Variants in CTC1 observed in about 807,000 individuals in gnomAD.
The protein encoded by CTC1 is CST complex subunit CTC1.
CTC1 carries 91 observed loss-of-function variants against 136.3 expected under a neutral mutation model. That is an observed-to-expected ratio of 0.67 (90% CI 0.56 to 0.79). The LOEUF is 0.79. CTC1 is among the 30% of genes least tolerant of loss of function. The probability of loss-of-function intolerance (pLI) is 0.00; values close to 1 mark genes in which losing one functional copy is unlikely to be tolerated. For synonymous variants in CTC1, 606 were observed against 613.8 expected, an observed-to-expected ratio of 0.99 and a Z score of 0.19; for missense variants, 1,432 against 1,498.1, an observed-to-expected ratio of 0.96 and a Z score of 0.73.
intron 4 of CTC1, 132 bp downstream of exon 4, chr17:8,237,899 G>C: frequency 1.4e-6 from 1 of 721,438 alleles, no homozygotes; most frequent in African/African-American, 1.8e-5. Flanking sequence ...AATATTCAAA[G>C]CCCACCATTC....
intron 18 of CTC1, 112 bp downstream of exon 18, chr17:8,229,779 C>A: frequency 1.2e-6 from 1 of 863,638 alleles, no homozygotes; most frequent in South Asian, 1.5e-5. Flanking sequence ...CTCAACACAT[C>A]TTGTTGGGAT....
Position 8,238,458 on chromosome 17 carries a change from G to A in CTC1, c.369C>T (p.Asp123=), listed in dbSNP as rs756553255. 3.7e-6 allele frequency: 6 copies of A among 1,614,174 alleles called. No individual in the cohort carries two copies. The highest frequency in any genetic ancestry group is 1.1e-5 in the South Asian group (1 of 91,088). ...LLGTLTDLSA[D]LEQECRNGSL... ...TTCCGTTCCTGCACTCTTGTTCCAAGTCTGCCGATAGGTCTGTTAGTGTCC... is the reference window on the plus strand; with the variant it reads ...TTCCGTTCCTGCACTCTTGTTCCAAATCTGCCGATAGGTCTGTTAGTGTCC... The change falls in exon 3 of 23, where the codon GAC becomes GAT. Residue 123 remains aspartate (D), a synonymous_variant. Transcript: ENST00000651323.
chr17:8,242,950 C>G (rs768569314), intron 2 of CTC1, 35 bp downstream of exon 2: 3 of 1,574,688 alleles, frequency 1.9e-6, no homozygotes, highest in Admixed American at 1.9e-5. Flanking sequence ...AATACCTGCC[C>G]CTGCCCAGCC....
At chr17:8,234,406 A>G (rs1462044279) in intron 10 of CTC1, 49 bp downstream of exon 10, 17 of 1,511,172 alleles carry the variant, frequency 1.1e-5, no homozygotes, top group African/African-American at 1.4e-5. Context: ...CGTGGCAATA[A>G]GGATGACAAA....
chr17:8,243,056 T>C lies in CTC1; in HGVS notation c.126A>G (p.Val42=), dbSNP rs116271319. 2.5e-3 allele frequency: 4,110 copies of C among 1,613,946 alleles called. 105 individuals are homozygous for C. The African/African-American group carries it at 0.049, about 19-fold the overall frequency. The change falls in exon 2 of 23, where the codon GTA becomes GTG. Residue 42 remains valine, a synonymous_variant. Coordinates refer to ENST00000651323, the MANE Select transcript of CTC1 (RefSeq NM_025099.6). ...KEPNVQLTPL[V]IDCVKTVWLS... ...ACCAGACAGTCTTCACACAATCAAT[T>C]ACCAATGGAGTCAACTGGACATTAG...
chr17:8,227,072 T>C lies in CTC1; in HGVS notation c.*1108A>G, dbSNP rs955024454. The C allele has an allele frequency of 5.3e-5, 8 of 150,882 alleles. No individual in the cohort carries two copies. Among genetic ancestry groups the C allele is most frequent in the East Asian group, 3.9e-4 (2 of 5,190 alleles). 9.3% of individuals were successfully genotyped at this position (150,882 alleles called of 1,614,324 possible). ...CAACTGAGCTAACCGGCCACTAACT[T>C]TCCGGGTCTACTTCAAATCTTAATA... On this transcript the variant is annotated 3_prime_UTR_variant, in exon 23 of 23. Transcript: ENST00000651323.
chr17:8,230,909 G>A (rs1372537661), intron 15 of CTC1: 1 of 520,176 alleles, frequency 1.9e-6, no homozygotes, highest in African/African-American at 1.9e-5. Context: ...GGCTGAGGTG[G>A]GAGGCTCACT....
intron 10 of CTC1, chr17:8,233,423 G>C (rs767225750): frequency 1.8e-5 from 3 of 170,260 alleles, no homozygotes; most frequent in Non-Finnish European, 3.8e-5. Context: ...TCAGGAGGTG[G>C]AGATCAGCCT....
intron 1 of CTC1, among the ~76,000 whole-genome samples, chr17:8,247,305 CTTTTTTTTTT>C (rs772948223): frequency 3.9e-4 from 36 of 91,266 alleles, no homozygotes; most frequent in African/African-American, 1.4e-3. Flanking sequence ...CCTTCCGGCG[CTTTTTTTTTT>C]TTTTTTTTTT....
intron 14 of CTC1, 86 bp from the exon 15 acceptor site, chr17:8,231,555 T>C: frequency 3.7e-6 from 5 of 1,365,744 alleles, no homozygotes; most frequent in Non-Finnish European, 5.1e-6. Flanking sequence ...AATTTTGTTC[T>C]TTCTGGAGCA....
chr17:8,247,239 A>G (rs1988807994), intron 1 of CTC1, among the ~76,000 whole-genome samples: 1 of 150,592 alleles, frequency 6.6e-6, no homozygotes, highest in Non-Finnish European at 1.5e-5. Flanking sequence ...TGAGTTTTTC[A>G]GACACCTGCT....
In CTC1 at chr17:8,228,060, G is replaced by T; in HGVS notation, c.*120C>A. ...ACCAAAGAAGGGAAATTATAGTGGA[G>T]TAGCAGTTTGTGAATCTGGAGTCCT... On this transcript the variant is annotated 3_prime_UTR_variant, in exon 23 of 23. Coordinates refer to ENST00000651323, the MANE Select transcript of CTC1 (RefSeq NM_025099.6). The T allele has an allele frequency of 1.0e-6, 1 of 1,002,734 alleles. No individual in the cohort carries two copies. Among genetic ancestry groups the T allele is most frequent in the Non-Finnish European group, 1.5e-6 (1 of 670,122 alleles). The allele number at this position is 1,002,734 out of a possible 1,614,324, so 62.1% of individuals were successfully genotyped here.
At position 8,228,647 on chromosome 17, in the gene CTC1, A is replaced by G; in HGVS notation, c.3388-18T>C. 2 of 1,613,882 alleles carry G rather than the reference A, an allele frequency of 1.2e-6. No individual in the cohort carries two copies. The highest frequency in any genetic ancestry group is 1.7e-6 in the Non-Finnish European group (2 of 1,179,990). Reference sequence around the variant, plus strand: ...GCTGAAGACTAGAAAGAGAAGGTCAAGGTTAACTGGCTCCTAAACCCTTTG... The same window carrying G: ...GCTGAAGACTAGAAAGAGAAGGTCAGGGTTAACTGGCTCCTAAACCCTTTG... On this transcript the variant is annotated intron_variant, in intron 21 of 22. Coordinates refer to ENST00000651323, the MANE Select transcript of CTC1 (RefSeq NM_025099.6).
intron 15 of CTC1, chr17:8,231,008 G>A (rs549834281): frequency 1.1e-4 from 55 of 495,836 alleles, no homozygotes; most frequent in Non-Finnish European, 1.8e-4. Flanking sequence ...GTGTGGTGGC[G>A]TGCACCCCTA....
chr17:8,228,221 C>CT lies in CTC1; in HGVS notation c.3612dup (p.Glu1205ArgfsTer30). The CT allele has an allele frequency of 6.2e-7, 1 of 1,614,160 alleles. No individual in the cohort carries two copies. The highest frequency in any genetic ancestry group is 8.5e-7 in the Non-Finnish European group (1 of 1,180,016). ...AGGATCCCCAGAGAGCTGGAGTACTCTGACTCTCGGATAGAAAGGCAGGAC... is the reference window on the plus strand; with the variant it reads ...AGGATCCCCAGAGAGCTGGAGTACTCTTGACTCTCGGATAGAAAGGCAGGAC... On this transcript the variant is annotated frameshift_variant, in exon 23 of 23. Coordinates refer to ENST00000651323, the MANE Select transcript of CTC1 (RefSeq NM_025099.6). LOFTEE classifies it low-confidence loss of function (END_TRUNC).
intron 1 of CTC1, among the ~76,000 whole-genome samples, chr17:8,243,976 G>A (rs1988484433): frequency 6.6e-6 from 1 of 152,202 alleles, no homozygotes; most frequent in African/African-American, 2.4e-5. Flanking sequence ...GCTGAGATGG[G>A]AGGATCACCT....
Position 8,234,824 on chromosome 17 carries a change from TAGA to T in CTC1, c.1539_1541del (p.Leu514del). 1 of 1,613,376 alleles carries T rather than the reference TAGA, an allele frequency of 6.2e-7. No homozygotes were observed. The highest frequency in any genetic ancestry group is 1.1e-5 in the South Asian group (1 of 90,966). ...TCCGAACAGGGCTGCCTGGCGGAGC[TAGA>T]AGATCCAGGGTAGGAGCCAGGAGTT... On this transcript the variant is annotated inframe_deletion, in exon 9 of 23. Coordinates refer to ENST00000651323, the MANE Select transcript of CTC1 (RefSeq NM_025099.6).
rs1464701543 is a variant in CTC1 at position 8,235,053 on chromosome 17, T to C, written c.1439A>G (p.Lys480Arg). The change falls in exon 8 of 23, where the codon AAG (lysine) becomes AGG (arginine). Residue 480 changes from lysine to arginine, a missense_variant and splice_region_variant. Lys to Arg is a conservative substitution (Grantham distance 26). Coordinates refer to ENST00000651323, the MANE Select transcript of CTC1 (RefSeq NM_025099.6). The stretch of plus-strand genomic sequence containing the variant: ...CGCCCTGGGCCCTCAGCCTCCTCAC[T>C]TGCAGGCCAGCTCCTCCAGGGCCTT... ...ATKALEELAC[K>R]LCPHVLRHHQ... 7 of 1,613,662 alleles carry C rather than the reference T, an allele frequency of 4.3e-6. No individual in the cohort carries two copies. Among genetic ancestry groups the C allele is most frequent in the Non-Finnish European group, 5.1e-6 (6 of 1,179,798 alleles).
chr17:8,237,320 T>A, intron 5 of CTC1, 55 bp downstream of exon 5: 1 of 1,604,994 alleles, frequency 6.2e-7, no homozygotes. Context: ...TCTTTCCTAC[T>A]GAAAGTTCTA....
Sources: allele counts gnomAD v4.1 joint callset (sites outside exome capture counted in the v4.1 genomes callset), GRCh38; gene constraint gnomAD v4.1.1; transcripts MANE v1.5; gene names NCBI Gene and HGNC (gene_info 2026-07-23, HGNC 2026-07-21).